The following MBD1 variants were observed in gnomAD, a reference collection of about 807,000 sequenced individuals.
MBD1 encodes the protein methyl-CpG-binding domain protein 1.
MBD1 carries 25 observed loss-of-function variants against 82.6 expected under a neutral mutation model. The ratio of observed to expected loss-of-function variants is 0.30; its 90% confidence interval spans 0.22 to 0.42. The LOEUF (loss-of-function observed/expected upper bound fraction) is 0.42. Among genes scored for constraint, MBD1 ranks in the 10% least tolerant of loss-of-function variants. The pLI is 1.00. For synonymous variants in MBD1, 301 were observed against 303.7 expected (o/e 0.99, Z 0.09); for missense variants, 627 against 819.6 (o/e 0.76, Z 2.87).
At chr18:50,279,850 C>T (rs769835040) in intron 2 of MBD1, 33 bp downstream of exon 2, 7 of 1,613,584 alleles carry the variant, frequency 4.3e-6, no homozygotes, top group Middle Eastern at 1.7e-4. Context: ...GGCTCTACCC[C>T]ACTCCTGACT....
At chr18:50,274,124 C>T (rs1398302809) in intron 11 of MBD1, 62 bp downstream of exon 11, 4 of 1,605,652 alleles carry the variant, frequency 2.5e-6, no homozygotes, top group Non-Finnish European at 3.4e-6. Flanking sequence ...CCCACCACTT[C>T]CAGGCACTGG....
chr18:50,273,699 A>C lies in MBD1; in HGVS notation c.1311T>G (p.Ala437=). The C allele has an allele frequency of 6.2e-7, 1 of 1,614,132 alleles. No individual in the cohort carries two copies. The highest frequency in any genetic ancestry group is 8.5e-7 in the Non-Finnish European group (1 of 1,180,030). Residue 437 remains alanine, a synonymous_variant, in exon 12 of 17, where the codon GCT becomes GCG. Coordinates refer to ENST00000269468, the MANE Select transcript of MBD1 (RefSeq NM_015846.4). ...TRTAQPDHTQ[A]PTKQEAGGGF... ...CACCACCTGCTTCCTGCTTCGTTGG[A>C]GCCTGGGTATGGTCTGGTTGGGCTG...
Position 50,273,657 on chromosome 18 carries a change from C to G in MBD1, c.1353G>C (p.Pro451=). ...GTAAAAACACAAGGTCAGTGCCAGGCGGGGGCAGCACAAAGCCACCACCTG... is the reference window on the plus strand; with the variant it reads ...GTAAAAACACAAGGTCAGTGCCAGGGGGGGGCAGCACAAAGCCACCACCTG... ...QEAGGGFVLP[P]PGTDLVFLRE... Residue 451 remains proline, a synonymous_variant, in exon 12 of 17, where the codon CCG becomes CCC. Coordinates refer to ENST00000269468, the MANE Select transcript of MBD1 (RefSeq NM_015846.4). 6.2e-7 allele frequency: 1 copy of G among 1,613,982 alleles called. No individual in the cohort carries two copies. The highest frequency in any genetic ancestry group is 8.5e-7 in the Non-Finnish European group (1 of 1,180,030).
chr18:50,273,739 G>A lies in MBD1; in HGVS notation c.1271C>T (p.Thr424Ile), dbSNP rs751353744. ...TGGTTGGGCTGTGCGTGTAGCCAAG[G>A]TGGGCTTCAAGGTAGGGCCAAGATG... ...RHHLGPTLKPTLATRTAQPDH... is the reference protein window; with the variant it reads ...RHHLGPTLKPILATRTAQPDH... Residue 424 changes from threonine (T) to isoleucine (I), a missense_variant, in exon 12 of 17, where the codon ACC (threonine) becomes ATC (isoleucine). This residue lies in a region of MBD1 where 265 missense variants were observed against 278.4 expected (regional missense o/e 0.95). Coordinates refer to ENST00000269468, the MANE Select transcript of MBD1 (RefSeq NM_015846.4). 1.9e-6 allele frequency: 3 copies of A among 1,614,060 alleles called. No individual in the cohort carries two copies. The highest frequency in any genetic ancestry group is 2.5e-6 in the Non-Finnish European group (3 of 1,180,054).
In MBD1 at chr18:50,281,457, T is replaced by G. The variant is rs932837313; in HGVS notation, c.-120A>C. On this transcript the variant is annotated 5_prime_UTR_variant, in exon 1 of 17. Coordinates refer to ENST00000269468, the MANE Select transcript of MBD1 (RefSeq NM_015846.4). ...ACCTCCCGCCTCGCCCTCCTCCCCTTCCTCCTCCTCCGCGGCCGCCTCCTC... is the reference window on the plus strand; with the variant it reads ...ACCTCCCGCCTCGCCCTCCTCCCCTGCCTCCTCCTCCGCGGCCGCCTCCTC... The G allele has an allele frequency of 2.4e-5, 14 of 583,048 alleles. No homozygotes were observed. Among genetic ancestry groups the G allele is most frequent in the Non-Finnish European group, 4.0e-5 (13 of 327,032 alleles). The allele number at this position is 583,048 out of a possible 1,614,324, so 36.1% of individuals were successfully genotyped here. A position where few individuals can be genotyped will look rare whatever the true frequency, so the allele number is the denominator to read the frequency against.
Position 50,271,145 on chromosome 18 carries a change from T to TA in MBD1, c.*32+323dup, listed in dbSNP as rs1243138019. 5 of 1,170,840 alleles carry TA rather than the reference T, an allele frequency of 4.3e-6. No individual in the cohort carries two copies. In the East Asian group the frequency reaches 2.4e-4, roughly 57 times the overall value. 72.5% of individuals were successfully genotyped at this position (1,170,840 alleles called of 1,614,324 possible). On this transcript the variant is annotated intron_variant, in intron 16 of 16. Transcript: ENST00000269468. Reference sequence around the variant, plus strand: ...GTCTCATCCAGAAGCCACTTACAATTACTCATGAACATGGCTTGTTTAGGT... The same window carrying TA: ...GTCTCATCCAGAAGCCACTTACAATTAACTCATGAACATGGCTTGTTTAGGT...
At position 50,271,505 on chromosome 18, in the gene MBD1, T is replaced by G; in HGVS notation, c.1814A>C (p.Gln605Pro). ...CAGTCTGTAGAAGCCTCCAGTCTAC[T>G]GCTTTCTAGCTCCAGGTTTTTTAAG... ...KDLKKPGARK[Q>P] The change falls in exon 16 of 17, where the codon CAG becomes CCG. Residue 605 changes from glutamine to proline, a missense_variant. This residue lies in a region of MBD1 where 265 missense variants were observed against 278.4 expected (regional missense o/e 0.95). Transcript: ENST00000269468. 6.2e-7 allele frequency: 1 copy of G among 1,614,214 alleles called. No individual in the cohort carries two copies. The highest frequency in any genetic ancestry group is 8.5e-7 in the Non-Finnish European group (1 of 1,180,030).
At chr18:50,280,161 A>T in intron 1 of MBD1, 144 bp from the exon 2 acceptor site, 6 of 689,648 alleles carry the variant, frequency 8.7e-6, no homozygotes, top group Non-Finnish European at 1.4e-5. Context: ...TATATGGAAA[A>T]GAAACCCCTC....
chr18:50,273,512 C>G (rs1169264805), intron 12 of MBD1, 41 bp from the exon 13 acceptor site: 1 of 1,613,702 alleles, frequency 6.2e-7, no homozygotes, highest in African/African-American at 1.3e-5. Flanking sequence ...TCTCAGCTCC[C>G]TGGCATGCAG....
Position 50,276,040 on chromosome 18 carries a change from T to C in MBD1, c.517-59A>G, listed in dbSNP as rs1343333341. 4 of 1,578,346 alleles carry C rather than the reference T, an allele frequency of 2.5e-6. No individual in the cohort carries two copies. The East Asian group carries it at 9.2e-5, about 36-fold the overall frequency. On this transcript the variant is annotated intron_variant, in intron 6 of 16. Coordinates refer to ENST00000269468, the MANE Select transcript of MBD1 (RefSeq NM_015846.4). ...TGCTCCAGAAGCACTGGTCCTCCCA[T>C]GTCTACTGACCCTACATCAGCTGGC...
chr18:50,276,126 T>A, intron 6 of MBD1, 145 bp from the exon 7 acceptor site: 2 of 1,084,942 alleles, frequency 1.8e-6, no homozygotes, highest in Non-Finnish European at 2.7e-6. Context: ...GTCTGGTTAG[T>A]CACCATCACT....
Position 50,276,717 on chromosome 18 carries a change from G to A in MBD1, c.420C>T (p.Phe140=), listed in dbSNP as rs529464382. Residue 140 remains phenylalanine, a synonymous_variant, in exon 5 of 17, where the codon TTC becomes TTT. Transcript: ENST00000269468. ...GCTGCCTTTGGGTGCCATCCCCTGA[G>A]AAGCTGATTCCACAGTTCTCACAGC... ...PGCCENCGIS[F]SGDGTQRQRL... 4 of 1,614,214 alleles carry A rather than the reference G, an allele frequency of 2.5e-6. No individual in the cohort carries two copies. Among genetic ancestry groups the A allele is most frequent in the South Asian group, 1.1e-5 (1 of 91,086 alleles).
chr18:50,276,788 A>G, intron 4 of MBD1, 44 bp from the exon 5 acceptor site: 4 of 1,614,094 alleles, frequency 2.5e-6, no homozygotes, highest in South Asian at 1.1e-5. Flanking sequence ...AGCACCCCCA[A>G]TCACAACCCT....
intron 11 of MBD1, 45 bp from the exon 12 acceptor site, chr18:50,273,908 A>G (rs1384468686): frequency 6.2e-7 from 1 of 1,602,358 alleles, no homozygotes; most frequent in Non-Finnish European, 8.5e-7. Context: ...TGTCCTGACC[A>G]ATCACATCCA....
chr18:50,278,839 A>C (rs1459433402), intron 2 of MBD1, among the ~76,000 whole-genome samples: 1 of 152,206 alleles, frequency 6.6e-6, no homozygotes, highest in African/African-American at 2.4e-5. Context: ...AACACACATT[A>C]CTTAATACAT....
intron 16 of MBD1, 100 bp from the exon 17 acceptor site, chr18:50,269,918 TAA>T (rs1316014925): frequency 7.0e-6 from 9 of 1,278,934 alleles, no homozygotes; most frequent in African/African-American, 2.9e-5. Context: ...ATAAATCCCT[TAA>T]AATACATATA....
At position 50,276,673 on chromosome 18, in the gene MBD1, T is replaced by G; in HGVS notation, c.464A>C (p.Lys155Thr). ...TGGAGGCCACTCACCTCGACAGTCT[T>G]TGCACAACGTTTTGAGCCGCTGCCT... The part of the protein sequence containing the change: ...TQRQRLKTLC[K>T]DCRAQRIAFN... The change falls in exon 5 of 17, where the codon AAA becomes ACA. Residue 155 changes from lysine to threonine, a missense_variant. Physicochemically the swap from Lys to Thr is moderately conservative, Grantham distance 78. Around this residue, in one of 6 missense-constraint regions of MBD1, gnomAD observed 228 missense variants for 318.1 expected, o/e 0.72. Coordinates refer to ENST00000269468, the MANE Select transcript of MBD1 (RefSeq NM_015846.4). The G allele has an allele frequency of 6.2e-7, 1 of 1,614,212 alleles. No individual in the cohort carries two copies. The highest frequency in any genetic ancestry group is 2.2e-5 in the East Asian group (1 of 44,878).
At chr18:50,279,052 T>G (rs1045670799) in intron 2 of MBD1, among the ~76,000 whole-genome samples, 2 of 152,240 alleles carry the variant, frequency 1.3e-5, no homozygotes, top group Non-Finnish European at 2.9e-5. Flanking sequence ...GGAAGACTCC[T>G]GATCAGCAGA....
At chr18:50,267,909 T>C (rs1319962005), downstream of MBD1, among the ~76,000 whole-genome samples, 1 of 152,280 alleles carries the variant, frequency 6.6e-6, no homozygotes, top group Non-Finnish European at 1.5e-5. Flanking sequence ...ATTTCCTGAA[T>C]TGCTGGTTCA....
Sources: allele counts gnomAD v4.1 joint callset (sites outside exome capture counted in the v4.1 genomes callset), GRCh38; gene constraint gnomAD v4.1.1; regional missense constraint gnomAD v4.1.1; transcripts MANE v1.5; gene names NCBI Gene and HGNC (gene_info 2026-07-23, HGNC 2026-07-21).